RBFOX1: variants seen among roughly 807,000 people sequenced by gnomAD.
RBFOX1 encodes RNA binding protein fox-1 homolog 1.
In RBFOX1, 8 loss-of-function variants were observed where a neutral mutation model predicts 57.7. The ratio of observed to expected loss-of-function variants is 0.14; its 90% CI spans 0.08 to 0.25. The LOEUF (loss-of-function observed/expected upper bound fraction) is 0.25. Ranked by LOEUF, RBFOX1 falls within the 10% of genes least tolerant of loss-of-function variation. The pLI, the probability that RBFOX1 is intolerant of heterozygous loss-of-function variation, is 1.00. For missense variants in RBFOX1, 611 were observed against 548.5 expected (o/e 1.11, Z -1.14); for synonymous variants, 326 against 222.4 (o/e 1.47, Z -4.15).
chr16:7,059,120 C>G (rs1295238748), intron 4 of RBFOX1, among the ~76,000 whole-genome samples: 1 of 152,210 alleles, frequency 6.6e-6, no homozygotes, highest in African/African-American at 2.4e-5. Flanking sequence ...CCATCGCCTT[C>G]ATCTGGACAT....
intron 2 of RBFOX1, among the ~76,000 whole-genome samples, chr16:6,321,019 C>T (rs184362736): frequency 1.9e-3 from 292 of 152,260 alleles, no homozygotes; most frequent in Middle Eastern, 0.01. Context: ...GTCTCGAACT[C>T]CTGACCTCAG....
intron 4 of RBFOX1, among the ~76,000 whole-genome samples, chr16:5,985,106 C>G (rs907882880): frequency 1.3e-5 from 2 of 150,640 alleles, no homozygotes; most frequent in African/African-American, 4.9e-5. Context: ...CTGTCTCAGC[C>G]TCCTGAGTAG....
At chr16:6,212,063 G>A (rs1301885533) in intron 1 of RBFOX1, among the ~76,000 whole-genome samples, 1 of 151,882 alleles carries the variant, frequency 6.6e-6, no homozygotes, top group African/African-American at 2.4e-5. Flanking sequence ...TTGCCATGTT[G>A]GCCAGGCTAG....
intron 4 of RBFOX1, among the ~76,000 whole-genome samples, chr16:7,463,108 A>G (rs1386296654): frequency 6.6e-6 from 1 of 152,218 alleles, no homozygotes; most frequent in African/African-American, 2.4e-5. Context: ...GGTAGAGTGA[A>G]TGTCAGGTAA....
At chr16:6,318,796 A>T (rs1002459825) in intron 2 of RBFOX1, among the ~76,000 whole-genome samples, 2 of 152,094 alleles carry the variant, frequency 1.3e-5, no homozygotes, top group Non-Finnish European at 2.9e-5. Context: ...TAAACCAGTG[A>T]GCAGATATAA....
intron 13 of RBFOX1, among the ~76,000 whole-genome samples, chr16:7,674,956 A>G (rs2072822852): frequency 6.6e-6 from 1 of 152,228 alleles, no homozygotes; most frequent in Non-Finnish European, 1.5e-5. Context: ...TCACCAAATC[A>G]TGATTCACAT....
At chr16:6,299,080 C>T (rs574351942) in intron 1 of RBFOX1, among the ~76,000 whole-genome samples, 140 of 152,272 alleles carry the variant, frequency 9.2e-4, no homozygotes, top group African/African-American at 3.1e-3. Context: ...AATTGCAACC[C>T]ACAGTCTTGT....
At chr16:6,956,136 C>T (rs921863235) in intron 3 of RBFOX1, among the ~76,000 whole-genome samples, 1 of 151,996 alleles carries the variant, frequency 6.6e-6, no homozygotes. Flanking sequence ...GTAAATGGGA[C>T]CTGGACAGAT....
At chr16:6,996,525 A>G (rs1165404509) in intron 3 of RBFOX1, among the ~76,000 whole-genome samples, 1 of 152,202 alleles carries the variant, frequency 6.6e-6, no homozygotes, top group Non-Finnish European at 1.5e-5. Context: ...TAGGGCTTGC[A>G]TACATTGTAG....
At chr16:6,404,238 TAA>T (rs1380555233) in intron 2 of RBFOX1, among the ~76,000 whole-genome samples, 21 of 152,348 alleles carry the variant, frequency 1.4e-4, no homozygotes, top group African/African-American at 5.1e-4. Context: ...GCATTTGTAT[TAA>T]GTTTTACAAG....
chr16:6,086,808 G>T (rs1440854611), intron 1 of RBFOX1, among the ~76,000 whole-genome samples: 1 of 152,148 alleles, frequency 6.6e-6, no homozygotes, highest in Non-Finnish European at 1.5e-5. Context: ...GCTCAAAGAC[G>T]CTCCTCTTCC....
upstream of RBFOX1, among the ~76,000 whole-genome samples, chr16:6,018,938 C>T (rs1256518588): frequency 6.6e-6 from 1 of 151,866 alleles, no homozygotes; most frequent in African/African-American, 2.4e-5. Context: ...GCCGCCGCCG[C>T]CCGCTGGAAT....
At chr16:6,321,940 C>G (rs926862838) in intron 2 of RBFOX1, among the ~76,000 whole-genome samples, 3 of 152,154 alleles carry the variant, frequency 2.0e-5, no homozygotes, top group African/African-American at 4.8e-5. Context: ...CATCTTCACT[C>G]ATTTCTTTCT....
At chr16:5,709,737 C>A (rs1210114032) in intron 3 of RBFOX1, among the ~76,000 whole-genome samples, 3 of 137,068 alleles carry the variant, frequency 2.2e-5, no homozygotes, top group Non-Finnish European at 4.6e-5. Context: ...AAAGTTCATT[C>A]AATGAGATCT....
intron 4 of RBFOX1, among the ~76,000 whole-genome samples, chr16:7,429,713 A>T (rs1467749115): frequency 3.3e-5 from 5 of 152,194 alleles, no homozygotes; most frequent in Non-Finnish European, 5.9e-5. Flanking sequence ...TCCCTTGGGA[A>T]TTTACAATTT....
intron 1 of RBFOX1, among the ~76,000 whole-genome samples, chr16:5,459,194 G>A (rs1370404880): frequency 6.6e-6 from 1 of 152,164 alleles, no homozygotes; most frequent in African/African-American, 2.4e-5. Context: ...CTCCACATGT[G>A]GACATGCATT....
chr16:5,426,879 A>G (rs1356378378), intron 1 of RBFOX1, among the ~76,000 whole-genome samples: 1 of 152,202 alleles, frequency 6.6e-6, no homozygotes, highest in Non-Finnish European at 1.5e-5. Flanking sequence ...GGCTGCAACC[A>G]TCCCTGCTTT....
intron 1 of RBFOX1, among the ~76,000 whole-genome samples, chr16:6,149,059 A>C (rs2096779343): frequency 6.6e-6 from 1 of 152,238 alleles, no homozygotes. Flanking sequence ...GGAATTTTAA[A>C]TCAAGTTTTA....
At chr16:7,386,021 C>T (rs1057241613) in intron 4 of RBFOX1, among the ~76,000 whole-genome samples, 3 of 151,536 alleles carry the variant, frequency 2.0e-5, no homozygotes, top group Admixed American at 6.6e-5. Flanking sequence ...GAACTCCTGA[C>T]CTCGTGAACC....
Sources: allele counts gnomAD v4.1 joint callset (sites outside exome capture counted in the v4.1 genomes callset), GRCh38; gene constraint gnomAD v4.1.1; transcripts MANE v1.5; gene names NCBI Gene and HGNC (gene_info 2026-07-23, HGNC 2026-07-21).